ATP13A1: variants seen among roughly 807,000 people sequenced by gnomAD.
ATP13A1 encodes the protein endoplasmic reticulum transmembrane helix translocase.
A neutral mutation model predicts 134.8 loss-of-function variants in ATP13A1; 55 were observed. That is an observed-to-expected ratio of 0.41 (90% CI 0.33 to 0.51). The LOEUF is 0.51. Among genes scored for constraint, ATP13A1 ranks in the 20% least tolerant of loss-of-function variants. The probability of loss-of-function intolerance (pLI) is 0.29; values close to 1 mark genes in which losing one functional copy is unlikely to be tolerated. For missense variants in ATP13A1, 1,389 were observed against 1,652.8 expected, an observed-to-expected ratio of 0.84 and a Z score of 2.77; for synonymous variants, 775 against 725.1, an observed-to-expected ratio of 1.07 and a Z score of -1.10.
chr19:19,651,578 T>C, intron 17 of ATP13A1, 111 bp downstream of exon 17: 1 of 770,152 alleles, frequency 1.3e-6, no homozygotes, highest in South Asian at 2.0e-5. Context: ...GTGCCAGGCA[T>C]TTGAAGACAC....
rs2062064995 is a variant in ATP13A1, at chr19:19,657,210, AC to A, written c.751-62del. ...CGCCCTGTTCCCATGAGCCCCTTCCACCCACCGGATCTGATATGTGAGGGTG... is the reference window on the plus strand; with the variant it reads ...CGCCCTGTTCCCATGAGCCCCTTCCACCACCGGATCTGATATGTGAGGGTG... On this transcript the variant is annotated intron_variant, in intron 4 of 25. Coordinates refer to ENST00000357324, the MANE Select transcript of ATP13A1 (RefSeq NM_020410.3). 1.9e-5 allele frequency: 28 copies of A among 1,481,536 alleles called. 1 individual carries two copies. In the Middle Eastern group the frequency reaches 7.2e-4, roughly 38 times the overall value. 91.8% of individuals were successfully genotyped at this position (1,481,536 alleles called of 1,614,324 possible).
chr19:19,663,621 G>A lies in ATP13A1; in HGVS notation c.46C>T (p.Arg16Trp), dbSNP rs916455976. ...CCGTCAGGCCGGACCCCGCAAGGCC[G>A]GGCCCCGCAGGGCACCGCGTTGCCC... The part of the protein sequence containing the change: ...AVGNAVPCGA[R>W]PCGVRPDGQP... The change falls in exon 1 of 26, where the codon CGG (arginine) becomes TGG (tryptophan). Residue 16 changes from arginine (R) to tryptophan (W), a missense_variant. This residue lies in a region of ATP13A1 where 293 missense variants were observed against 270.8 expected (regional missense o/e 1.08). Coordinates refer to ENST00000357324, the MANE Select transcript of ATP13A1 (RefSeq NM_020410.3). 7 of 1,349,862 alleles carry A rather than the reference G, an allele frequency of 5.2e-6. No individual in the cohort carries two copies. The highest frequency in any genetic ancestry group is 4.6e-5 in the African/African-American group (3 of 65,334). 83.6% of individuals were successfully genotyped at this position (1,349,862 alleles called of 1,614,324 possible).
chr19:19,660,484 T>TAA (rs1200745255), intron 1 of ATP13A1: 164 of 113,396 alleles, frequency 1.4e-3, no homozygotes, highest in Non-Finnish European at 2.7e-3. Flanking sequence ...CTATCTCAAT[T>TAA]AAAAAAAAAA....
chr19:19,649,076 C>G (rs934051528), intron 19 of ATP13A1, among the ~76,000 whole-genome samples: 2 of 151,714 alleles, frequency 1.3e-5, no homozygotes, highest in African/African-American at 4.8e-5. Context: ...GAGCCCAGAT[C>G]GTGCCATTGT....
At position 19,655,662 on chromosome 19, in the gene ATP13A1, A is replaced by G; in HGVS notation, c.1270-8T>C. ...GGTGCGCAGCAGCTTGCCCTGGAGG[A>G]ATGGAGGAACAGCCTTTCTGCTGTC... On this transcript the variant is annotated splice_region_variant and splice_polypyrimidine_tract_variant and intron_variant, in intron 9 of 25. Transcript: ENST00000357324. This position sits in a 1 kb window ranked among gnomAD's most constrained non-coding sequence, Gnocchi z 5.7. 1 of 1,611,674 alleles carries G rather than the reference A, an allele frequency of 6.2e-7. No homozygotes were observed. Among genetic ancestry groups the G allele is most frequent in the South Asian group, 1.1e-5 (1 of 90,600 alleles).
intron 19 of ATP13A1, among the ~76,000 whole-genome samples, chr19:19,648,584 G>A (rs1158855209): frequency 1.3e-5 from 2 of 151,556 alleles, no homozygotes; most frequent in African/African-American, 2.4e-5. Flanking sequence ...CAACACAGGC[G>A]CATCATCTGA....
intron 19 of ATP13A1, 133 bp downstream of exon 19, chr19:19,649,434 G>A: frequency 1.1e-6 from 1 of 949,212 alleles, no homozygotes; most frequent in Non-Finnish European, 1.6e-6. Flanking sequence ...CCCTGACCTT[G>A]CCACCCCCTC....
chr19:19,645,450 C>T lies in ATP13A1; in HGVS notation c.3587G>A (p.Gly1196Glu). The T allele has an allele frequency of 6.2e-7, 1 of 1,605,688 alleles. No individual in the cohort carries two copies. The highest frequency in any genetic ancestry group is 8.5e-7 in the Non-Finnish European group (1 of 1,176,610). Residue 1196 changes from glycine to glutamate, a missense_variant, in exon 26 of 26, where the codon GGG becomes GAG. By Grantham distance (98) the Gly-to-Glu change is moderately conservative. Around this residue, in one of 4 missense-constraint regions of ATP13A1, gnomAD observed 228 missense variants for 321.0 expected, o/e 0.71. Transcript: ENST00000357324. This position sits in a 1 kb window ranked among gnomAD's most constrained non-coding sequence, Gnocchi z 4.1. The part of the protein sequence containing the change: ...LADRVLQFFL[G>E]TPKLKVPS ...GGAAGGCACTTTCAGCTTCGGGGTC[C>T]CCAGGAAGAACTGCAGGACGCGGTC...
chr19:19,653,480 T>G lies in ATP13A1; in HGVS notation c.2100+304A>C. 2.4e-6 allele frequency: 1 copy of G among 420,330 alleles called. No individual in the cohort carries two copies. Among genetic ancestry groups the G allele is most frequent in the African/African-American group, 2.0e-5 (1 of 49,158 alleles). 26.0% of individuals were successfully genotyped at this position (420,330 alleles called of 1,614,324 possible). On this transcript the variant is annotated intron_variant, in intron 15 of 25. Transcript: ENST00000357324. This position sits in a 1 kb window ranked among gnomAD's most constrained non-coding sequence, Gnocchi z 4.2. ...GTGGGCTTTGTGGAGGATGGATGGG[T>G]GAGAGGGCTGAGGATGCCACCTAGC... is the stretch of plus-strand genomic sequence containing the variant.
intron 16 of ATP13A1, 83 bp downstream of exon 16, chr19:19,652,512 C>A (rs541879537): frequency 5.3e-6 from 8 of 1,497,132 alleles, no homozygotes; most frequent in South Asian, 1.3e-5. Context: ...GACTTGGGTG[C>A]CCACCCCTAC....
chr19:19,663,190 G>C, intron 1 of ATP13A1, 81 bp downstream of exon 1: 1 of 1,542,798 alleles, frequency 6.5e-7, no homozygotes, highest in Non-Finnish European at 8.8e-7. Context: ...GGTCGCGATG[G>C]TGACCGACAG....
chr19:19,655,631 G>A lies in ATP13A1; in HGVS notation c.1293C>T (p.Leu431=), dbSNP rs772971611. 5.3e-5 allele frequency: 86 copies of A among 1,613,538 alleles called. No individual in the cohort carries two copies. The highest frequency in any genetic ancestry group is 1.5e-4 in the Admixed American group (9 of 59,942). ...TCGCAGTCACCCTCTTGACCCCGAA[G>A]AGGATGGTGCGCAGCAGCTTGCCCT... ...TSQGKLLRTI[L]FGVKRVTANN... Residue 431 remains leucine, a synonymous_variant, in exon 10 of 26, where the codon CTC becomes CTT. Coordinates refer to ENST00000357324, the MANE Select transcript of ATP13A1 (RefSeq NM_020410.3). The surrounding 1 kb of genome is among the most constrained non-coding windows in gnomAD (Gnocchi z 5.7).
At chr19:19,662,704 A>G (rs1441787394) in intron 1 of ATP13A1, among the ~76,000 whole-genome samples, 1 of 152,224 alleles carries the variant, frequency 6.6e-6, no homozygotes, top group Non-Finnish European at 1.5e-5. Flanking sequence ...TGACTCGCTC[A>G]TAAACACCTC....
chr19:19,647,891 A>C lies in ATP13A1; in HGVS notation c.2633-132T>G. 2 of 1,185,694 alleles carry C rather than the reference A, an allele frequency of 1.7e-6. No homozygotes were observed. Among genetic ancestry groups the C allele is most frequent in the Non-Finnish European group, 2.3e-6 (2 of 868,660 alleles). 73.4% of individuals were successfully genotyped at this position (1,185,694 alleles called of 1,614,324 possible). Reference sequence around the variant, plus strand: ...GACAGTTCCCAGACTTCCCCATTTCACCTGACACCCTAAGGAGACCTCAGA... The same window carrying C: ...GACAGTTCCCAGACTTCCCCATTTCCCCTGACACCCTAAGGAGACCTCAGA... On this transcript the variant is annotated intron_variant, in intron 19 of 25. Coordinates refer to ENST00000357324, the MANE Select transcript of ATP13A1 (RefSeq NM_020410.3). The surrounding 1 kb of genome is among the most constrained non-coding windows in gnomAD (Gnocchi z 4.8).
chr19:19,655,114 C>T lies in ATP13A1; in HGVS notation c.1655+5G>A, dbSNP rs367909357. On this transcript the variant is annotated splice_donor_5th_base_variant and intron_variant, in intron 12 of 25. Coordinates refer to ENST00000357324, the MANE Select transcript of ATP13A1 (RefSeq NM_020410.3). The surrounding 1 kb of genome is among the most constrained non-coding windows in gnomAD (Gnocchi z 5.7). ...GACCTTTGCTGCAGGGCCCCTGATG[C>T]TTACCTCAGCCCGGCCACACCGCGC... 6.2e-7 allele frequency: 1 copy of T among 1,613,690 alleles called. No individual in the cohort carries two copies.
chr19:19,652,944 G>A, intron 15 of ATP13A1: 1 of 586,492 alleles, frequency 1.7e-6, no homozygotes, highest in Non-Finnish European at 2.9e-6. Context: ...CCCCGAATGT[G>A]GCTCTATGTC....
At chr19:19,658,268 G>A (rs1196787351) in intron 3 of ATP13A1, among the ~76,000 whole-genome samples, 3 of 151,974 alleles carry the variant, frequency 2.0e-5, no homozygotes, top group Non-Finnish European at 4.4e-5. Context: ...TGTCAACGAG[G>A]GTCATTCTCG....
Position 19,655,933 on chromosome 19 carries a change from G to A in ATP13A1, c.1214C>T (p.Pro405Leu), listed in dbSNP as rs781014135. 8 of 1,602,422 alleles carry A rather than the reference G, an allele frequency of 5.0e-6. No individual in the cohort carries two copies. The highest frequency in any genetic ancestry group is 1.7e-4 in the Middle Eastern group (1 of 6,050). ...GTAGGCCACGCACCCGCTGTCAACC[G>A]CTGGGGAGAGAAGCAGAGTCACCGT... ...PPQKATTGLK[P>L]VDSGCVAYVL... Residue 405 changes from proline to leucine, a missense_variant and splice_region_variant, in exon 9 of 26, where the codon CCG becomes CTG. Pro to Leu is a moderately conservative substitution (Grantham distance 98). Coordinates refer to ENST00000357324, the MANE Select transcript of ATP13A1 (RefSeq NM_020410.3). The surrounding 1 kb of genome is among the most constrained non-coding windows in gnomAD (Gnocchi z 5.7).
At chr19:19,646,621 C>A in intron 22 of ATP13A1, 1 of 525,716 alleles carries the variant, frequency 1.9e-6, no homozygotes. Flanking sequence ...CCTGCCCTCC[C>A]TGGAGCCCAC....
Sources: gnomAD v4.1 joint callset for allele counts (sites outside exome capture counted in the v4.1 genomes callset) on GRCh38, gnomAD v4.1.1 for gene constraint, gnomAD v4.1.1 regional missense constraint, Gnocchi (gnomAD v3.1) non-coding constraint, MANE v1.5 for transcripts, NCBI Gene and HGNC (gene_info 2026-07-23, HGNC 2026-07-21) for gene names.